Variants in PCED1B observed in about 807,000 individuals in gnomAD.
The protein encoded by PCED1B is PC-esterase domain-containing protein 1B.
For synonymous variants in PCED1B, 251 were observed against 246.1 expected, an observed-to-expected ratio of 1.02 and a Z score of -0.19; for missense variants, 573 against 573.9, an observed-to-expected ratio of 1.00 and a Z score of 0.02.
At chr12:47,171,662 T>C (rs1373167138) in intron 2 of PCED1B, among the ~76,000 whole-genome samples, 1 of 152,194 alleles carries the variant, frequency 6.6e-6, no homozygotes, top group Non-Finnish European at 1.5e-5. Context: ...GTTTTTCTCC[T>C]GATAAAAGAA....
In PCED1B at chr12:47,235,391, C is replaced by G. The variant is rs1415088921; in HGVS notation, c.328C>G (p.Gln110Glu). The change falls in exon 4 of 4, where the codon CAG (glutamine) becomes GAG (glutamate). Residue 110 changes from glutamine to glutamate, a missense_variant. Transcript: ENST00000546455. ...CCTCCAGACCATCTTGAAAGAGCTG[C>G]AGTCGGGCGAGCACGCCCCCGACCT... The part of the protein sequence containing the change: ...DYLQTILKEL[Q>E]SGEHAPDLVI... 3 of 1,614,056 alleles carry G rather than the reference C, an allele frequency of 1.9e-6. No individual in the cohort carries two copies. Among genetic ancestry groups the G allele is most frequent in the Non-Finnish European group, 2.5e-6 (3 of 1,180,054 alleles).
intron 1 of PCED1B, among the ~76,000 whole-genome samples, chr12:47,085,011 G>C (rs1937911800): frequency 6.6e-6 from 1 of 152,180 alleles, no homozygotes; most frequent in African/African-American, 2.4e-5. Context: ...AGGCATGGCA[G>C]CACACACCTA....
At chr12:47,169,235 G>T (rs1941639337) in intron 2 of PCED1B, among the ~76,000 whole-genome samples, 1 of 152,192 alleles carries the variant, frequency 6.6e-6, no homozygotes, top group South Asian at 2.1e-4. Flanking sequence ...GTTTGAGCTA[G>T]GATAGCAAAC....
chr12:47,186,226 GA>G (rs1051033022), intron 2 of PCED1B, among the ~76,000 whole-genome samples: 28 of 34,786 alleles, frequency 8.0e-4, no homozygotes, highest in South Asian at 6.0e-3. Context: ...TAAAAAAAAA[GA>G]AAAAAAAAAA....
intron 2 of PCED1B, among the ~76,000 whole-genome samples, chr12:47,194,320 G>A (rs1004338706): frequency 2.0e-5 from 3 of 152,144 alleles, no homozygotes; most frequent in Admixed American, 6.5e-5. Flanking sequence ...GATTACAGGC[G>A]CGCAGCACCA....
intron 2 of PCED1B, among the ~76,000 whole-genome samples, chr12:47,180,848 A>AT (rs954567469): frequency 2.2e-4 from 34 of 152,292 alleles, no homozygotes; most frequent in South Asian, 2.1e-3. Flanking sequence ...AAAGCAGTTG[A>AT]TTTTTTATTA....
At chr12:47,181,776 AAAAGT>A (rs1463764711) in intron 2 of PCED1B, among the ~76,000 whole-genome samples, 1 of 152,154 alleles carries the variant, frequency 6.6e-6, no homozygotes, top group East Asian at 1.9e-4. Flanking sequence ...CTGAAAAAAA[AAAAGT>A]AAAACAATTC....
intron 1 of PCED1B, among the ~76,000 whole-genome samples, chr12:47,096,090 C>T (rs1307864372): frequency 1.3e-5 from 2 of 152,062 alleles, no homozygotes; most frequent in Non-Finnish European, 2.9e-5. Context: ...ATCCTCATCT[C>T]GGGGAGAAGA....
intron 1 of PCED1B, among the ~76,000 whole-genome samples, chr12:47,085,521 G>A (rs1214584522): frequency 6.6e-6 from 1 of 152,122 alleles, no homozygotes; most frequent in Non-Finnish European, 1.5e-5. Flanking sequence ...CAGGGATGTG[G>A]GCAAATAAAT....
chr12:47,083,909 A>G lies in PCED1B; in HGVS notation c.-609+4184A>G, dbSNP rs996853961. ...TTATCTTCATTGACATAGGCCGGACAGTTTTTTGTTTTTTAATTCACTTGA... is the reference window on the plus strand; with the variant it reads ...TTATCTTCATTGACATAGGCCGGACGGTTTTTTGTTTTTTAATTCACTTGA... On this transcript the variant is annotated intron_variant, in intron 1 of 3. Transcript: ENST00000546455. Among the ~76,000 whole-genome samples the G allele has an allele frequency of 8.5e-5, 13 of 152,270 alleles. No homozygotes were observed. The East Asian group carries it at 1.2e-3, about 14-fold the overall frequency.
intron 2 of PCED1B, among the ~76,000 whole-genome samples, chr12:47,184,021 G>T (rs1942177061): frequency 6.6e-6 from 1 of 152,164 alleles, no homozygotes; most frequent in Non-Finnish European, 1.5e-5. Flanking sequence ...GCAATAGAGA[G>T]AATATTTTTC....
chr12:47,192,903 G>A (rs915314237), intron 2 of PCED1B, among the ~76,000 whole-genome samples: 5 of 152,280 alleles, frequency 3.3e-5, no homozygotes, highest in Non-Finnish European at 7.4e-5. Context: ...GTATTTTGGT[G>A]AAACTATTCA....
chr12:47,160,370 G>C (rs2137500525), intron 2 of PCED1B, among the ~76,000 whole-genome samples: 1 of 126,416 alleles, frequency 7.9e-6, no homozygotes, highest in South Asian at 2.6e-4. Context: ...TGCAATCACA[G>C]CCCACTGAAG....
At chr12:47,222,633 A>T (rs144875257) in intron 3 of PCED1B, among the ~76,000 whole-genome samples, 1 of 152,236 alleles carries the variant, frequency 6.6e-6, no homozygotes, top group Non-Finnish European at 1.5e-5. Flanking sequence ...CATGCTAATA[A>T]CTTTACATGT....
chr12:47,215,274 A>G (rs1329393040), intron 2 of PCED1B, among the ~76,000 whole-genome samples: 1 of 144,430 alleles, frequency 6.9e-6, no homozygotes, highest in Non-Finnish European at 1.5e-5. Flanking sequence ...TTTTTTAAAG[A>G]TGGAGTCTTG....
intron 2 of PCED1B, among the ~76,000 whole-genome samples, chr12:47,121,201 A>T (rs1251479059): frequency 1.3e-5 from 2 of 152,246 alleles, no homozygotes; most frequent in East Asian, 3.9e-4. Flanking sequence ...CTTATTCTTT[A>T]AACACAAGGA....
intron 2 of PCED1B, among the ~76,000 whole-genome samples, chr12:47,113,828 G>A (rs1450480117): frequency 3.3e-5 from 5 of 152,032 alleles, no homozygotes; most frequent in African/African-American, 7.2e-5. Flanking sequence ...TGGCCAACAT[G>A]ACGAAACCCC....
At chr12:47,180,236 T>C (rs990920241) in intron 2 of PCED1B, among the ~76,000 whole-genome samples, 3 of 152,198 alleles carry the variant, frequency 2.0e-5, no homozygotes, top group Non-Finnish European at 4.4e-5. Flanking sequence ...GATAATGGCT[T>C]CCAGCTCCAT....
At chr12:47,085,264 T>A (rs529396398) in intron 1 of PCED1B, among the ~76,000 whole-genome samples, 4 of 152,230 alleles carry the variant, frequency 2.6e-5, no homozygotes, top group African/African-American at 7.2e-5. Context: ...GATTTTCTGA[T>A]AACAATGTGT....
Sources: gnomAD v4.1 joint callset for allele counts (sites outside exome capture counted in the v4.1 genomes callset) on GRCh38, gnomAD v4.1.1 for gene constraint, MANE v1.5 for transcripts, NCBI Gene and HGNC (gene_info 2026-07-23, HGNC 2026-07-21) for gene names.